The following PRELID2 variants were observed in gnomAD, a reference collection of about 807,000 sequenced individuals.
PRELID2 encodes the protein PRELI domain-containing protein 2.
A neutral mutation model predicts 28.4 loss-of-function variants in PRELID2; 25 were observed. That is an observed-to-expected ratio of 0.88 (90% CI 0.64 to 1.23). The LOEUF (loss-of-function observed/expected upper bound fraction) is 1.23, where lower values mean the gene tolerates loss of function less well. Ranked by LOEUF, PRELID2 falls within the 50% of genes most tolerant of loss-of-function variation. The probability of loss-of-function intolerance (pLI) is 0.00; values close to 1 mark genes in which losing one functional copy is unlikely to be tolerated. For synonymous variants in PRELID2, 76 were observed against 71.6 expected (o/e 1.06, Z -0.31); for missense variants, 201 against 214.4 (o/e 0.94, Z 0.39).
intron 1 of PRELID2, among the ~76,000 whole-genome samples, chr5:145,477,293 T>G (rs983654017): frequency 6.6e-6 from 1 of 152,196 alleles, no homozygotes; most frequent in East Asian, 1.9e-4. Context: ...CTGCTCTACA[T>G]TTCTCTGTGT....
the PRELID2 span, among the ~76,000 whole-genome samples, chr5:145,312,578 A>G: frequency 2.0e-5 from 3 of 152,150 alleles, no homozygotes; most frequent in African/African-American, 7.2e-5. Context: ...TCAACTTTTT[A>G]AGATTCCACA....
chr5:145,693,594 T>C (rs377420006), intron 1 of PRELID2, among the ~76,000 whole-genome samples: 10 of 152,184 alleles, frequency 6.6e-5, no homozygotes, highest in Middle Eastern at 3.4e-3. Flanking sequence ...CATAGCAAGA[T>C]CCTGTCTCCA....
chr5:145,555,364 T>C (rs1561505426), intron 1 of PRELID2, among the ~76,000 whole-genome samples: 1 of 152,210 alleles, frequency 6.6e-6, no homozygotes, highest in Admixed American at 6.5e-5. Context: ...CAAAAGTATT[T>C]AAAGATCTCC....
chr5:145,451,805 A>G, the PRELID2 span, among the ~76,000 whole-genome samples: 1 of 152,128 alleles, frequency 6.6e-6, no homozygotes, highest in Non-Finnish European at 1.5e-5. Context: ...AGAATATTGG[A>G]CAGCTCCCAA....
chr5:145,705,421 C>T (rs28668139), intron 1 of PRELID2, among the ~76,000 whole-genome samples: 9,975 of 151,740 alleles, frequency 0.066, 654 homozygotes, highest in African/African-American at 0.16. Flanking sequence ...CCAGGCTGGT[C>T]GTGAACTCCT....
chr5:145,729,535 C>A (rs755761909), intron 1 of PRELID2, among the ~76,000 whole-genome samples: 3 of 152,016 alleles, frequency 2.0e-5, no homozygotes, highest in Non-Finnish European at 4.4e-5. Flanking sequence ...GCCTCACCCT[C>A]TACATAATAA....
At chr5:145,667,632 GC>G (rs1293984426) in intron 1 of PRELID2, among the ~76,000 whole-genome samples, 1 of 152,050 alleles carries the variant, frequency 6.6e-6, no homozygotes, top group Non-Finnish European at 1.5e-5. Flanking sequence ...TATGTTGAAT[GC>G]CTTCTCCAGT....
chr5:145,404,713 G>C, the PRELID2 span, among the ~76,000 whole-genome samples: 1 of 152,228 alleles, frequency 6.6e-6, no homozygotes, highest in African/African-American at 2.4e-5. Context: ...ATATTGGGTA[G>C]AAGGTGTCTA....
At chr5:145,344,308 A>T in the PRELID2 span, among the ~76,000 whole-genome samples, 1 of 152,086 alleles carries the variant, frequency 6.6e-6, no homozygotes, top group Non-Finnish European at 1.5e-5. Flanking sequence ...ACACATCATG[A>T]ATAAATGGGA....
intron 1 of PRELID2, among the ~76,000 whole-genome samples, chr5:145,595,307 G>A (rs1027452238): frequency 4.0e-5 from 6 of 151,888 alleles, no homozygotes; most frequent in Admixed American, 1.3e-4. Flanking sequence ...TTCTATGACA[G>A]GTTAATCTAT....
rs900742639 is a variant in PRELID2 at position 145,758,900 on chromosome 5, T to C, written c.*1636A>G. 2 of 150,242 alleles carry C rather than the reference T, an allele frequency of 1.3e-5. No homozygotes were observed. Among genetic ancestry groups the C allele is most frequent in the African/African-American group, 2.5e-5 (1 of 40,760 alleles). The allele number at this position is 150,242 out of a possible 1,614,324, so 9.3% of individuals were successfully genotyped here. On this transcript the variant is annotated 3_prime_UTR_variant, in exon 7 of 7. Coordinates refer to ENST00000683046, the MANE Select transcript of PRELID2 (RefSeq NM_205846.3). Reference sequence around the variant, plus strand: ...ACAGTGGCAGGCTTGTATGAAAAAATACAATTGCTTTGAAATTCATCAATG... The same window carrying C: ...ACAGTGGCAGGCTTGTATGAAAAAACACAATTGCTTTGAAATTCATCAATG...
the PRELID2 span, among the ~76,000 whole-genome samples, chr5:145,398,409 A>G: frequency 0.016 from 2,378 of 152,174 alleles, 51 homozygotes; most frequent in African/African-American, 0.054. Context: ...CCAAATCAGT[A>G]ACATACCTTT....
the PRELID2 span, among the ~76,000 whole-genome samples, chr5:145,387,271 G>A: frequency 3.3e-5 from 5 of 151,860 alleles, no homozygotes; most frequent in African/African-American, 1.2e-4. Flanking sequence ...TGTTGGGCTA[G>A]TGAAATTACA....
chr5:145,488,123 C>CAAAAA (rs10643402), intron 1 of PRELID2, among the ~76,000 whole-genome samples: 2 of 101,358 alleles, frequency 2.0e-5, no homozygotes, highest in African/African-American at 3.9e-5. Context: ...GACTCTGTCT[C>CAAAAA]AAAAAAAAAA....
At chr5:145,596,099 C>CAAAAAAAAAAAAAAAAAAAAAAAAAAAAA (rs552746530) in intron 1 of PRELID2, among the ~76,000 whole-genome samples, 1 of 43,970 alleles carries the variant, frequency 2.3e-5, no homozygotes, top group African/African-American at 9.6e-5. Context: ...GAGCCTGTCT[C>CAAAAAAAAAAAAAAAAAAAAAAAAAAAAA]AAAAAAAAAA....
At chr5:145,358,845 G>C in the PRELID2 span, among the ~76,000 whole-genome samples, 1 of 152,168 alleles carries the variant, frequency 6.6e-6, no homozygotes, top group Non-Finnish European at 1.5e-5. Flanking sequence ...AGTTTAAACT[G>C]ACCCTCTGCT....
intron 1 of PRELID2, among the ~76,000 whole-genome samples, chr5:145,713,990 TA>T (rs535933406): frequency 1.8e-4 from 26 of 145,210 alleles, no homozygotes; most frequent in South Asian, 6.5e-4. Context: ...AAACAAAAAC[TA>T]AAAAAAAAAG....
chr5:145,628,334 TTA>T (rs1014422071), intron 1 of PRELID2, among the ~76,000 whole-genome samples: 1 of 152,208 alleles, frequency 6.6e-6, no homozygotes, highest in Non-Finnish European at 1.5e-5. Flanking sequence ...TTTTTTATTT[TTA>T]TTTTTTAGAC....
At chr5:145,423,528 C>T in the PRELID2 span, among the ~76,000 whole-genome samples, 289 of 150,572 alleles carry the variant, frequency 1.9e-3, 4 homozygotes, top group East Asian at 0.038. Context: ...TTGATCGCAT[C>T]GGCTCCTGAG....
Sources: allele counts gnomAD v4.1 joint callset (sites outside exome capture counted in the v4.1 genomes callset), GRCh38; gene constraint gnomAD v4.1.1; transcripts MANE v1.5; gene names NCBI Gene and HGNC (gene_info 2026-07-23, HGNC 2026-07-21).